Variants in TBC1D19 observed in about 807,000 individuals in gnomAD.
The protein encoded by TBC1D19 is TBC1 domain family member 19, also known as TBC1 domain family, member 19.
A neutral mutation model predicts 89.0 loss-of-function variants in TBC1D19; 60 were observed. That is an observed-to-expected ratio of 0.67 (90% CI 0.55 to 0.84). TBC1D19 has a LOEUF of 0.84. TBC1D19 is among the 40% of genes least tolerant of loss of function. The pLI, the probability that TBC1D19 is intolerant of heterozygous loss-of-function variation, is 0.00. For synonymous variants in TBC1D19, 189 were observed against 199.7 expected, an observed-to-expected ratio of 0.95 and a Z score of 0.45; for missense variants, 500 against 610.8, an observed-to-expected ratio of 0.82 and a Z score of 1.91.
chr4:26,796,955 A>G, the TBC1D19 span, among the ~76,000 whole-genome samples: 1 of 152,204 alleles, frequency 6.6e-6, no homozygotes, highest in Non-Finnish European at 1.5e-5. Context: ...AAATCACTTA[A>G]CAAAAGTTAA....
At chr4:26,797,759 A>T in the TBC1D19 span, among the ~76,000 whole-genome samples, 1 of 152,126 alleles carries the variant, frequency 6.6e-6, no homozygotes, top group South Asian at 2.1e-4. Flanking sequence ...CATGTAACTG[A>T]TCCTTAACAA....
At position 26,590,796 on chromosome 4, in the gene TBC1D19, G is replaced by GTTTTTTTTTTTTTT. The variant is rs869124166; in HGVS notation, c.99+6522_99+6535dup. Among the ~76,000 whole-genome samples the GTTTTTTTTTTTTTT allele has an allele frequency of 6.9e-3, 365 of 52,932 alleles. 37 individuals carry two copies. The highest frequency in any genetic ancestry group is 8.7e-3 in the Non-Finnish European group (275 of 31,772). The allele number at this position is 52,932 out of a possible 152,430, so 34.7% of individuals were successfully genotyped here. On this transcript the variant is annotated intron_variant, in intron 1 of 20. Coordinates refer to ENST00000264866, the MANE Select transcript of TBC1D19 (RefSeq NM_018317.4). Reference sequence around the variant, plus strand: ...GGTTCACTCTTTGTCTTGCAGGTCTGTTTTTTTTTTTTTTTTTTTTTTTTT... The same window carrying GTTTTTTTTTTTTTT: ...GGTTCACTCTTTGTCTTGCAGGTCTGTTTTTTTTTTTTTTTTTTTTTTTTTTTTTTTTTTTTTTT...
chr4:26,673,787 C>A lies in TBC1D19; in HGVS notation c.715C>A (p.Gln239Lys). Reference protein sequence around the residue: ...VRIGQKVLAEQDSAAAQQYIR... With the variant: ...VRIGQKVLAEKDSAAAQQYIR... ...TATACTTTTGATAGTTCTAGCAGAA[C>A]AAGATAGTGCTGCTGCTCAACAGTA... The change falls in exon 11 of 21, where the codon CAA (glutamine) becomes AAA (lysine). Residue 239 changes from glutamine (Q) to lysine (K), a missense_variant. Physicochemically the swap from Gln to Lys is moderately conservative, Grantham distance 53 (BLOSUM62 1). Around this residue, in one of 2 missense-constraint regions of TBC1D19, gnomAD observed 280 missense variants for 291.7 expected, o/e 0.96. Coordinates refer to ENST00000264866, the MANE Select transcript of TBC1D19 (RefSeq NM_018317.4). 6.2e-7 allele frequency: 1 copy of A among 1,609,114 alleles called. No homozygotes were observed. Among genetic ancestry groups the A allele is most frequent in the Non-Finnish European group, 8.5e-7 (1 of 1,176,186 alleles).
chr4:26,709,046 G>C (rs1319322806), intron 13 of TBC1D19, among the ~76,000 whole-genome samples: 1 of 150,686 alleles, frequency 6.6e-6, no homozygotes, highest in Non-Finnish European at 1.5e-5. Flanking sequence ...TTGTGATCTT[G>C]TTGTTGTTGT....
chr4:26,754,948 T>G lies in TBC1D19; in HGVS notation c.*1T>G, dbSNP rs1719186045. The G allele has an allele frequency of 6.2e-7, 1 of 1,604,452 alleles. No individual in the cohort carries two copies. Among genetic ancestry groups the G allele is most frequent in the Non-Finnish European group, 8.5e-7 (1 of 1,176,936 alleles). On this transcript the variant is annotated 3_prime_UTR_variant, in exon 21 of 21. Transcript: ENST00000264866. ...TTTTCTGTTTGCTACTGTCACCTGA[T>G]CTTCTTCACAGTCACTGGCAACACA...
intron 11 of TBC1D19, among the ~76,000 whole-genome samples, chr4:26,677,510 A>G (rs183803270): frequency 4.0e-4 from 61 of 152,050 alleles, no homozygotes; most frequent in East Asian, 1.6e-3. Context: ...TTCAGTAGAG[A>G]CAGGGTTACA....
intron 4 of TBC1D19, among the ~76,000 whole-genome samples, chr4:26,628,871 A>G (rs1450224893): frequency 1.3e-5 from 2 of 152,062 alleles, no homozygotes; most frequent in Admixed American, 1.3e-4. Context: ...GATACAAACA[A>G]ATGGAAGAAC....
the TBC1D19 span, among the ~76,000 whole-genome samples, chr4:26,815,021 CAAA>C: frequency 8.4e-6 from 1 of 119,300 alleles, no homozygotes. Context: ...GACCTTGTCT[CAAA>C]AAAAAAAAAA....
intron 7 of TBC1D19, among the ~76,000 whole-genome samples, chr4:26,650,340 G>T (rs1254667830): frequency 6.6e-6 from 1 of 152,134 alleles, no homozygotes; most frequent in Non-Finnish European, 1.5e-5. Context: ...CAGTGTAAAA[G>T]TGTTCCTATT....
At chr4:26,710,948 G>A (rs565882170) in intron 13 of TBC1D19, among the ~76,000 whole-genome samples, 1 of 151,980 alleles carries the variant, frequency 6.6e-6, no homozygotes, top group Non-Finnish European at 1.5e-5. Context: ...AGATGAGTAG[G>A]TTGCAAAAAT....
chr4:26,811,398 C>A, the TBC1D19 span, among the ~76,000 whole-genome samples: 2 of 152,144 alleles, frequency 1.3e-5, no homozygotes, highest in Admixed American at 1.3e-4. Context: ...GAGAAGGCAG[C>A]AGTTACTGAC....
intron 1 of TBC1D19, among the ~76,000 whole-genome samples, chr4:26,587,744 G>A (rs1739505995): frequency 6.6e-6 from 1 of 151,418 alleles, no homozygotes; most frequent in Admixed American, 6.6e-5. Flanking sequence ...TAAATATTTG[G>A]TAGAGTTCCC....
intron 18 of TBC1D19, among the ~76,000 whole-genome samples, chr4:26,746,669 A>G (rs1330028009): frequency 6.6e-6 from 1 of 152,172 alleles, no homozygotes; most frequent in Non-Finnish European, 1.5e-5. Context: ...GAAACTGTGG[A>G]TAGTACTGAG....
intron 8 of TBC1D19, among the ~76,000 whole-genome samples, chr4:26,664,862 G>A (rs1444537740): frequency 1.3e-5 from 2 of 152,048 alleles, no homozygotes; most frequent in Non-Finnish European, 2.9e-5. Flanking sequence ...CTGGTTGGTC[G>A]AGTGTGAGCT....
chr4:26,635,876 A>G (rs759507958), intron 4 of TBC1D19, among the ~76,000 whole-genome samples: 3 of 152,142 alleles, frequency 2.0e-5, no homozygotes, highest in African/African-American at 7.2e-5. Flanking sequence ...AGACAAGAAT[A>G]AGAATGTTGG....
the TBC1D19 span, among the ~76,000 whole-genome samples, chr4:26,836,182 C>T: frequency 6.6e-6 from 1 of 152,182 alleles, no homozygotes; most frequent in Non-Finnish European, 1.5e-5. Flanking sequence ...TCTTAATGCT[C>T]ATCAAGCTAC....
intron 7 of TBC1D19, among the ~76,000 whole-genome samples, chr4:26,655,025 T>C (rs1414552854): frequency 1.3e-5 from 2 of 152,220 alleles, no homozygotes; most frequent in Admixed American, 1.3e-4. Context: ...TGGTCTTTGA[T>C]GATGGTGACG....
At chr4:26,688,144 A>G (rs369412083) in intron 12 of TBC1D19, among the ~76,000 whole-genome samples, 4 of 152,190 alleles carry the variant, frequency 2.6e-5, no homozygotes, top group African/African-American at 4.8e-5. Context: ...GACCTTAAAA[A>G]GTATGAGGAA....
the TBC1D19 span, among the ~76,000 whole-genome samples, chr4:26,807,732 C>G: frequency 4.6e-5 from 7 of 152,210 alleles, no homozygotes; most frequent in African/African-American, 9.7e-5. Context: ...TAAGGTCACC[C>G]CCTACATTCT....
Sources: gnomAD v4.1 joint callset for allele counts (sites outside exome capture counted in the v4.1 genomes callset) on GRCh38, gnomAD v4.1.1 for gene constraint, gnomAD v4.1.1 regional missense constraint, MANE v1.5 for transcripts, NCBI Gene and HGNC (gene_info 2026-07-23, HGNC 2026-07-21) for gene names.